The following CAAP1 variants were observed in gnomAD, a reference collection of about 807,000 sequenced individuals.
The protein encoded by CAAP1 is caspase activity and apoptosis inhibitor 1.
Under a neutral mutation model 34.0 loss-of-function variants are expected in CAAP1, and 20 were observed. That is an observed-to-expected ratio of 0.59 (90% confidence interval 0.41 to 0.86). The LOEUF (loss-of-function observed/expected upper bound fraction) is 0.86. Among genes scored for constraint, CAAP1 ranks in the 40% least tolerant of loss-of-function variants. CAAP1 has a pLI of 0.00. For synonymous variants in CAAP1, 213 were observed against 166.7 expected (o/e 1.28, Z -2.14); for missense variants, 538 against 450.5 (o/e 1.19, Z -1.76).
chr9:26,881,021 T>A (rs888962595), intron 4 of CAAP1, among the ~76,000 whole-genome samples: 4 of 152,104 alleles, frequency 2.6e-5, no homozygotes, highest in Admixed American at 2.0e-4. Flanking sequence ...TCCATAACTT[T>A]AGAAAAAACA....
At chr9:26,864,704 A>T (rs934811488) in intron 4 of CAAP1, among the ~76,000 whole-genome samples, 2 of 152,310 alleles carry the variant, frequency 1.3e-5, no homozygotes, top group Middle Eastern at 3.4e-3. Context: ...TGAGTATAGT[A>T]TCTCTTCTTT....
rs1822467630 is a variant in CAAP1 at position 26,841,062 on chromosome 9, C to A, written c.*1239G>T. Reference sequence around the variant, plus strand: ...AAAGAATTTGTAACTGCAATTCCAGCGTTTCATAAATGTCCTCTATTTCCA... The same window carrying A: ...AAAGAATTTGTAACTGCAATTCCAGAGTTTCATAAATGTCCTCTATTTCCA... On this transcript the variant is annotated 3_prime_UTR_variant, in exon 6 of 6. Coordinates refer to ENST00000333916, the MANE Select transcript of CAAP1 (RefSeq NM_024828.4). 6.6e-6 allele frequency: 1 copy of A among 152,078 alleles called. No individual in the cohort carries two copies. Among genetic ancestry groups the A allele is most frequent in the African/African-American group, 2.4e-5 (1 of 41,428 alleles). 9.4% of individuals were successfully genotyped at this position (152,078 alleles called of 1,614,324 possible). A position where few individuals can be genotyped will look rare whatever the true frequency, so the allele number is the denominator to read the frequency against.
At chr9:26,889,140 G>A (rs981778911) in intron 1 of CAAP1, among the ~76,000 whole-genome samples, 1 of 152,196 alleles carries the variant, frequency 6.6e-6, no homozygotes, top group Non-Finnish European at 1.5e-5. Context: ...TGACTAGGCC[G>A]GCGCGGTGGC....
chr9:26,882,261 A>C (rs552728749), intron 4 of CAAP1, among the ~76,000 whole-genome samples: 1 of 152,342 alleles, frequency 6.6e-6, no homozygotes, highest in South Asian at 2.1e-4. Flanking sequence ...ACAATGGGGA[A>C]AATGTCAGAG....
chr9:26,853,307 A>G (rs1247056632), intron 5 of CAAP1, among the ~76,000 whole-genome samples: 1 of 152,042 alleles, frequency 6.6e-6, no homozygotes, highest in Non-Finnish European at 1.5e-5. Flanking sequence ...GCAGCAAGGT[A>G]TTGCTGTTTT....
chr9:26,861,175 T>C (rs774837408), intron 4 of CAAP1, 36 bp from the exon 5 acceptor site: 49 of 1,445,952 alleles, frequency 3.4e-5, no homozygotes, highest in Admixed American at 5.2e-5. Context: ...TTTAAAACTA[T>C]ATTTAATCAC....
chr9:26,860,799 T>C (rs1822986153), intron 5 of CAAP1, among the ~76,000 whole-genome samples: 2 of 152,010 alleles, frequency 1.3e-5, no homozygotes, highest in Non-Finnish European at 2.9e-5. Flanking sequence ...TCAAAATAAA[T>C]AAATAAATAA....
intron 3 of CAAP1, 111 bp from the exon 4 acceptor site, chr9:26,884,996 T>A: frequency 1.3e-6 from 1 of 783,196 alleles, no homozygotes; most frequent in Non-Finnish European, 2.1e-6. Flanking sequence ...AAGAACTTTA[T>A]ACTGGGTCAA....
At chr9:26,871,954 T>A (rs941736004) in intron 4 of CAAP1, among the ~76,000 whole-genome samples, 6 of 151,718 alleles carry the variant, frequency 4.0e-5, no homozygotes, top group South Asian at 4.2e-4. Flanking sequence ...AAATAAAAAA[T>A]CTAATGCAGC....
intron 5 of CAAP1, among the ~76,000 whole-genome samples, chr9:26,850,719 T>C (rs147678359): frequency 0.025 from 3,732 of 152,310 alleles, 68 homozygotes; most frequent in Middle Eastern, 0.044. Context: ...GCAGTTATAA[T>C]GGACAGGTGA....
At chr9:26,866,928 C>T (rs900017680) in intron 4 of CAAP1, among the ~76,000 whole-genome samples, 1 of 152,126 alleles carries the variant, frequency 6.6e-6, no homozygotes, top group Non-Finnish European at 1.5e-5. Context: ...GGCCACAGAT[C>T]GGTACCAATC....
intron 4 of CAAP1, among the ~76,000 whole-genome samples, chr9:26,863,708 C>T (rs1823057010): frequency 6.8e-6 from 1 of 146,944 alleles, no homozygotes; most frequent in Admixed American, 6.9e-5. Context: ...GGTGGGAACA[C>T]ACTGCCAAAG....
intron 4 of CAAP1, among the ~76,000 whole-genome samples, chr9:26,864,617 C>T (rs1823085064): frequency 6.6e-6 from 1 of 152,192 alleles, no homozygotes; most frequent in Non-Finnish European, 1.5e-5. Context: ...CCTGCGACTC[C>T]AAGATTTTGT....
intron 5 of CAAP1, among the ~76,000 whole-genome samples, chr9:26,843,700 T>C (rs1231326986): frequency 1.3e-5 from 2 of 151,990 alleles, no homozygotes; most frequent in African/African-American, 4.8e-5. Flanking sequence ...TTACAAAACA[T>C]AGATTGACAG....
At chr9:26,850,546 A>T (rs1430723463) in intron 5 of CAAP1, among the ~76,000 whole-genome samples, 2 of 152,250 alleles carry the variant, frequency 1.3e-5, no homozygotes, top group African/African-American at 4.8e-5. Flanking sequence ...GATGCTTTTA[A>T]AAATGAGTTA....
intron 4 of CAAP1, among the ~76,000 whole-genome samples, chr9:26,883,016 C>T (rs1001919870): frequency 1.3e-5 from 2 of 152,130 alleles, no homozygotes; most frequent in Non-Finnish European, 2.9e-5. Flanking sequence ...TAGGAAGTAA[C>T]TAACTTGCTT....
chr9:26,888,025 A>G (rs1157894168), intron 1 of CAAP1, among the ~76,000 whole-genome samples: 1 of 152,150 alleles, frequency 6.6e-6, no homozygotes, highest in Non-Finnish European at 1.5e-5. Flanking sequence ...ATTTCTGTCC[A>G]TTTTACTTTC....
intron 5 of CAAP1, among the ~76,000 whole-genome samples, chr9:26,844,443 G>A (rs979956935): frequency 1.3e-5 from 2 of 152,136 alleles, no homozygotes; most frequent in African/African-American, 4.8e-5. Context: ...AAAATTTAAA[G>A]TGTATAGTCA....
At chr9:26,872,779 A>G (rs1321296983) in intron 4 of CAAP1, among the ~76,000 whole-genome samples, 1 of 152,100 alleles carries the variant, frequency 6.6e-6, no homozygotes, top group Admixed American at 6.5e-5. Flanking sequence ...AATATACTAG[A>G]TATTTAAATA....
Sources: gnomAD v4.1 joint callset for allele counts (sites outside exome capture counted in the v4.1 genomes callset) on GRCh38, gnomAD v4.1.1 for gene constraint, MANE v1.5 for transcripts, NCBI Gene and HGNC (gene_info 2026-07-23, HGNC 2026-07-21) for gene names.